Variants in ARHGAP24 observed in about 807,000 individuals in gnomAD.
ARHGAP24 encodes rho GTPase-activating protein 24.
Under a neutral mutation model 76.4 loss-of-function variants are expected in ARHGAP24, and 50 were observed. The observed-to-expected ratio is 0.65, with a 90% CI of 0.52 to 0.83. ARHGAP24 has a LOEUF of 0.83. Ranked by LOEUF, ARHGAP24 falls within the 40% of genes least tolerant of loss-of-function variation. The pLI is 0.00. For missense variants in ARHGAP24, 930 were observed against 914.2 expected, an observed-to-expected ratio of 1.02 and a Z score of -0.22; for synonymous variants, 345 against 323.3, an observed-to-expected ratio of 1.07 and a Z score of -0.72.
chr4:85,609,009 C>T (rs1168396495), intron 2 of ARHGAP24, among the ~76,000 whole-genome samples: 1 of 152,172 alleles, frequency 6.6e-6, no homozygotes, highest in Non-Finnish European at 1.5e-5. Flanking sequence ...CTTTTTGTGA[C>T]TCTGATTCCT....
At chr4:85,880,362 A>G (rs1417216015) in intron 3 of ARHGAP24, among the ~76,000 whole-genome samples, 1 of 152,168 alleles carries the variant, frequency 6.6e-6, no homozygotes, top group Non-Finnish European at 1.5e-5. Context: ...CTGTGTAACC[A>G]TCCCTTACTT....
In ARHGAP24 at chr4:85,898,053, A is replaced by G. The variant is rs1487298427; in HGVS notation, c.269-25595A>G. On this transcript the variant is annotated intron_variant, in intron 3 of 9. Transcript: ENST00000395184. ...TATGTGTATATATATATATATATATATATATAATTATTTTTTTATTGGTTA... is the reference window on the plus strand; with the variant it reads ...TATGTGTATATATATATATATATATGTATATAATTATTTTTTTATTGGTTA... Among the ~76,000 whole-genome samples, 6 of 121,832 alleles carry G rather than the reference A, an allele frequency of 4.9e-5. No individual in the cohort carries two copies. The South Asian group carries it at 1.2e-3, about 24-fold the overall frequency. The allele number at this position is 121,832 out of a possible 152,430, so 79.9% of individuals were successfully genotyped here. A position where few individuals can be genotyped will look rare whatever the true frequency, so the allele number is the denominator to read the frequency against.
At chr4:85,546,340 A>G (rs1202066305) in intron 1 of ARHGAP24, among the ~76,000 whole-genome samples, 1 of 152,120 alleles carries the variant, frequency 6.6e-6, no homozygotes, top group Non-Finnish European at 1.5e-5. Context: ...AAAAAAAGAT[A>G]AGATGCTAAA....
At chr4:85,685,886 C>G (rs1454534434) in intron 2 of ARHGAP24, among the ~76,000 whole-genome samples, 1 of 152,212 alleles carries the variant, frequency 6.6e-6, no homozygotes, top group East Asian at 1.9e-4. Flanking sequence ...GACAATTTCT[C>G]TACTCCAATT....
chr4:85,486,965 A>G (rs1723081419), intron 1 of ARHGAP24, among the ~76,000 whole-genome samples: 1 of 151,774 alleles, frequency 6.6e-6, no homozygotes, highest in Non-Finnish European at 1.5e-5. Flanking sequence ...CAGGCTAAGG[A>G]TAAAGCTCCT....
intron 3 of ARHGAP24, among the ~76,000 whole-genome samples, chr4:85,789,588 C>A (rs1397932518): frequency 6.6e-6 from 1 of 152,066 alleles, no homozygotes; most frequent in Non-Finnish European, 1.5e-5. Context: ...CAGTGAGAGC[C>A]AAGTGGTAGT....
intron 2 of ARHGAP24, among the ~76,000 whole-genome samples, chr4:85,663,434 T>G (rs1722485891): frequency 6.7e-6 from 1 of 149,104 alleles, no homozygotes; most frequent in Non-Finnish European, 1.5e-5. Flanking sequence ...ACAATGGGGT[T>G]TCCTAGATAT....
chr4:85,557,765 A>G (rs1353750585), intron 1 of ARHGAP24, among the ~76,000 whole-genome samples: 1 of 152,174 alleles, frequency 6.6e-6, no homozygotes, highest in East Asian at 1.9e-4. Flanking sequence ...CCTAGCTTCC[A>G]GGTATCCTGG....
intron 1 of ARHGAP24, among the ~76,000 whole-genome samples, chr4:85,500,662 C>T (rs1222802528): frequency 6.6e-6 from 1 of 152,092 alleles, no homozygotes; most frequent in Non-Finnish European, 1.5e-5. Flanking sequence ...AACTATGAAT[C>T]ATCTCAGATG....
chr4:85,795,963 G>A (rs180892058), intron 3 of ARHGAP24, among the ~76,000 whole-genome samples: 163 of 152,190 alleles, frequency 1.1e-3, no homozygotes, highest in African/African-American at 3.8e-3. Context: ...ACTGCTTAAT[G>A]TTTGATTGCA....
At chr4:85,738,552 T>G (rs892473079) in intron 3 of ARHGAP24, among the ~76,000 whole-genome samples, 1 of 151,930 alleles carries the variant, frequency 6.6e-6, no homozygotes, top group African/African-American at 2.4e-5. Flanking sequence ...ACCACAGAAG[T>G]TTTTAATTTT....
At chr4:85,895,750 C>T (rs1734141834) in intron 3 of ARHGAP24, among the ~76,000 whole-genome samples, 2 of 152,124 alleles carry the variant, frequency 1.3e-5, no homozygotes, top group Non-Finnish European at 2.9e-5. Context: ...GAGAATTTTA[C>T]ACTACTTGCA....
intron 2 of ARHGAP24, among the ~76,000 whole-genome samples, chr4:85,659,066 GGAGACAGTGTCTGGCTTGTCACA>G (rs1722285802): frequency 6.6e-6 from 1 of 152,164 alleles, no homozygotes; most frequent in African/African-American, 2.4e-5. Context: ...GACAACGTCT[GGAGACAGTGTCTGGCTTGTCACA>G]GTTGGGGAAG....
chr4:85,576,217 C>CAAG (rs1727365275), intron 2 of ARHGAP24, among the ~76,000 whole-genome samples: 1 of 152,078 alleles, frequency 6.6e-6, no homozygotes, highest in East Asian at 1.9e-4. Context: ...ATCACGAGGT[C>CAAG]AGATCGAGAC....
chr4:85,671,671 T>G (rs766496428), intron 2 of ARHGAP24, among the ~76,000 whole-genome samples: 15 of 152,190 alleles, frequency 9.9e-5, no homozygotes, highest in Non-Finnish European at 2.2e-4. Flanking sequence ...AAAATACTTT[T>G]TATGTATCCA....
chr4:85,555,620 G>A (rs1298901321), intron 1 of ARHGAP24, among the ~76,000 whole-genome samples: 3 of 152,188 alleles, frequency 2.0e-5, no homozygotes, highest in African/African-American at 7.2e-5. Context: ...GGCACTTCTT[G>A]GCTGCACACT....
chr4:85,499,275 A>T (rs773852126), intron 1 of ARHGAP24, among the ~76,000 whole-genome samples: 7 of 152,230 alleles, frequency 4.6e-5, no homozygotes, highest in Non-Finnish European at 1.0e-4. Flanking sequence ...GGCATTGATG[A>T]TAGGTTTAGT....
rs755866427 is a variant in ARHGAP24, at chr4:86,001,284, T to A, written c.*562T>A. ...TCATGACCAAAAAGAGAAATGTAAA[T>A]AGTTTTATAAAATACAGTCGAATCA... On this transcript the variant is annotated 3_prime_UTR_variant, in exon 10 of 10. Transcript: ENST00000395184. The A allele has an allele frequency of 1.6e-4, 63 of 398,902 alleles. 1 individual carries two copies. Among genetic ancestry groups the A allele is most frequent in the Admixed American group, 3.1e-4 (7 of 22,704 alleles). The allele number at this position is 398,902 out of a possible 1,614,324, so 24.7% of individuals were successfully genotyped here.
intron 2 of ARHGAP24, among the ~76,000 whole-genome samples, chr4:85,698,649 T>C (rs1723958745): frequency 6.6e-6 from 1 of 152,174 alleles, no homozygotes; most frequent in South Asian, 2.1e-4. Flanking sequence ...TTCTGGAAGC[T>C]AAAAGTCTGA....
Sources: gnomAD v4.1 joint callset for allele counts (sites outside exome capture counted in the v4.1 genomes callset) on GRCh38, gnomAD v4.1.1 for gene constraint, MANE v1.5 for transcripts, NCBI Gene and HGNC (gene_info 2026-07-23, HGNC 2026-07-21) for gene names.